Variants in UTRN observed in about 807,000 individuals in gnomAD.
UTRN encodes utrophin.
UTRN carries 283 observed loss-of-function variants against 463.9 expected under a neutral mutation model. The observed-to-expected ratio is 0.61, with a 90% confidence interval of 0.55 to 0.67. UTRN has a LOEUF of 0.67. UTRN is among the 30% of genes least tolerant of loss of function. UTRN has a pLI of 0.00. For missense variants in UTRN, 3,922 were observed against 4,084.3 expected (o/e 0.96, Z 1.08); for synonymous variants, 1,442 against 1,431.5 (o/e 1.01, Z -0.17).
intron 66 of UTRN, among the ~76,000 whole-genome samples, chr6:144,824,885 C>T (rs1289317006): frequency 6.6e-6 from 1 of 151,488 alleles, no homozygotes; most frequent in African/African-American, 2.4e-5. Context: ...AAATTAACTT[C>T]TGGGTGAAAT....
At chr6:144,367,166 G>T (rs561904669) in intron 2 of UTRN, among the ~76,000 whole-genome samples, 59 of 152,096 alleles carry the variant, frequency 3.9e-4, no homozygotes, top group Non-Finnish European at 6.8e-4. Context: ...TGTATTTTTA[G>T]TAGAGATGGG....
chr6:144,530,075 T>A (rs1300479605), intron 41 of UTRN, among the ~76,000 whole-genome samples: 1 of 152,202 alleles, frequency 6.6e-6, no homozygotes, highest in African/African-American at 2.4e-5. Flanking sequence ...TTTAGGTAAA[T>A]GGGACCCTCA....
intron 2 of UTRN, among the ~76,000 whole-genome samples, chr6:144,311,153 A>G (rs577669417): frequency 1.2e-4 from 19 of 152,328 alleles, no homozygotes. Context: ...ATTACTAAGC[A>G]CTCTAAAAGG....
intron 2 of UTRN, among the ~76,000 whole-genome samples, chr6:144,298,744 C>T (rs1177628103): frequency 1.3e-5 from 2 of 152,052 alleles, no homozygotes; most frequent in Admixed American, 6.6e-5. Context: ...AATTATGGAA[C>T]AAAATCTTTT....
At position 144,385,778 on chromosome 6, in the gene UTRN, G is replaced by A. The variant is rs911496951; in HGVS notation, c.80-17345G>A. On this transcript the variant is annotated intron_variant, in intron 2 of 74. Transcript: ENST00000367545. ...GGCTTGAGTGCAGAGGTGCGATCTCGGCTCAGTGCAACCTCCGCCTCTTAA... is the reference window on the plus strand; with the variant it reads ...GGCTTGAGTGCAGAGGTGCGATCTCAGCTCAGTGCAACCTCCGCCTCTTAA... Among the ~76,000 whole-genome samples, 16 of 151,012 alleles carry A rather than the reference G, an allele frequency of 1.1e-4. 1 individual carries two copies. The highest frequency in any genetic ancestry group is 1.3e-4 in the Admixed American group (2 of 15,152).
intron 3 of UTRN, among the ~76,000 whole-genome samples, chr6:144,405,081 G>T (rs1010210863): frequency 1.4e-5 from 2 of 147,654 alleles, no homozygotes; most frequent in East Asian, 1.9e-4. Flanking sequence ...TTAGCTAAAA[G>T]CTTCTCTATT....
intron 63 of UTRN, among the ~76,000 whole-genome samples, chr6:144,797,550 G>A (rs910364284): frequency 6.6e-6 from 1 of 152,122 alleles, no homozygotes; most frequent in African/African-American, 2.4e-5. Flanking sequence ...TGAGTGGTTT[G>A]GGTTTTTGCT....
chr6:144,484,860 C>T (rs1449489306), intron 27 of UTRN, among the ~76,000 whole-genome samples: 1 of 152,044 alleles, frequency 6.6e-6, no homozygotes, highest in Admixed American at 6.6e-5. Context: ...CAGCCTCTTG[C>T]CCACTCTTTG....
intron 25 of UTRN, among the ~76,000 whole-genome samples, chr6:144,475,297 A>G (rs1163411619): frequency 6.6e-6 from 1 of 152,200 alleles, no homozygotes; most frequent in Non-Finnish European, 1.5e-5. Flanking sequence ...GTAAAGTAAG[A>G]GATGAGCCTT....
chr6:144,621,874 C>G (rs1296740848), intron 51 of UTRN, among the ~76,000 whole-genome samples: 4 of 151,912 alleles, frequency 2.6e-5, no homozygotes, highest in Non-Finnish European at 4.4e-5. Flanking sequence ...CTTTTTTCTC[C>G]TTTGCCTCCT....
chr6:144,484,432 C>CTTTTTTTTTTTTTTTTTTTTT (rs765122659), intron 27 of UTRN, among the ~76,000 whole-genome samples: 1 of 66,234 alleles, frequency 1.5e-5, no homozygotes, highest in East Asian at 3.8e-4. Flanking sequence ...AAAAACCAAA[C>CTTTTTTTTTTTTTTTTTTTTT]TTTTTTTTTT....
intron 2 of UTRN, chr6:144,330,763 G>A: frequency 1.1e-6 from 1 of 952,142 alleles, no homozygotes; most frequent in Non-Finnish European, 1.3e-6. Flanking sequence ...ACAGAGGCAG[G>A]AATGTGACCA....
At chr6:144,488,355 A>T (rs561066939) in intron 29 of UTRN, among the ~76,000 whole-genome samples, 5 of 152,304 alleles carry the variant, frequency 3.3e-5, no homozygotes, top group African/African-American at 1.2e-4. Flanking sequence ...GACATTGCTG[A>T]TTCCTAAAAA....
chr6:144,793,786 A>G, intron 62 of UTRN, 48 bp from the exon 63 acceptor site: 1 of 1,581,842 alleles, frequency 6.3e-7, no homozygotes, highest in Non-Finnish European at 8.6e-7. Flanking sequence ...TTTTAAGTAA[A>G]AGAACATGGT....
chr6:144,479,709 C>T (rs546633723), intron 25 of UTRN, 103 bp from the exon 26 acceptor site: 22 of 1,327,516 alleles, frequency 1.7e-5, no homozygotes, highest in South Asian at 3.0e-5. Context: ...GCATGCAATT[C>T]GTTGTGGAAA....
intron 14 of UTRN, among the ~76,000 whole-genome samples, chr6:144,445,462 A>G (rs1024894124): frequency 6.6e-6 from 1 of 151,572 alleles, no homozygotes; most frequent in African/African-American, 2.4e-5. Context: ...TATTCTCTTC[A>G]GGGGAAAAAA....
intron 25 of UTRN, among the ~76,000 whole-genome samples, chr6:144,477,273 A>G (rs907096849): frequency 6.6e-6 from 1 of 152,218 alleles, no homozygotes; most frequent in African/African-American, 2.4e-5. Context: ...AATATGAAAT[A>G]TAGGCTTACC....
chr6:144,287,235 G>A (rs1449778612), intron 1 of UTRN, among the ~76,000 whole-genome samples: 1 of 152,112 alleles, frequency 6.6e-6, no homozygotes, highest in African/African-American at 2.4e-5. Context: ...ACCATTCCCC[G>A]CCCCTTTTAC....
intron 51 of UTRN, among the ~76,000 whole-genome samples, chr6:144,595,918 A>G (rs1394822650): frequency 6.6e-6 from 1 of 152,180 alleles, no homozygotes; most frequent in Admixed American, 6.5e-5. Context: ...AACAAAACCT[A>G]GATTGCTTCA....
Sources: allele counts gnomAD v4.1 joint callset (sites outside exome capture counted in the v4.1 genomes callset), GRCh38; gene constraint gnomAD v4.1.1; transcripts MANE v1.5; gene names NCBI Gene and HGNC (gene_info 2026-07-23, HGNC 2026-07-21).